Variants in RFX3 observed in about 807,000 individuals in gnomAD.
The protein encoded by RFX3 is regulatory factor X3, also known as transcription factor RFX3.
In RFX3, 14 loss-of-function variants were observed where a neutral mutation model predicts 98.6. That is an observed-to-expected ratio of 0.14 (90% CI 0.09 to 0.22). The LOEUF (loss-of-function observed/expected upper bound fraction) is 0.22. Ranked by LOEUF, RFX3 falls within the 10% of genes least tolerant of loss-of-function variation. RFX3 has a pLI of 1.00. For synonymous variants in RFX3, 383 were observed against 328.4 expected, an observed-to-expected ratio of 1.17 and a Z score of -1.80; for missense variants, 639 against 926.9, an observed-to-expected ratio of 0.69 and a Z score of 4.03.
chr9:3,224,779 A>T lies in RFX3; in HGVS notation c.*263T>A, dbSNP rs1176286645. 6.3e-6 allele frequency: 2 copies of T among 316,302 alleles called. No homozygotes were observed. The highest frequency in any genetic ancestry group is 1.2e-5 in the Non-Finnish European group (2 of 173,640). 19.6% of individuals were successfully genotyped at this position (316,302 alleles called of 1,614,324 possible). On this transcript the variant is annotated 3_prime_UTR_variant, in exon 17 of 17. Coordinates refer to ENST00000617270, the MANE Select transcript of RFX3 (RefSeq NM_001282116.2). The stretch of plus-strand genomic sequence containing the variant: ...CTTTTTAATTATAAGAAAACAAAAC[A>T]TTGACATTAAGTGTTGTAAAAATCC...
At chr9:3,252,115 TATA>T (rs139532871) in intron 14 of RFX3, among the ~76,000 whole-genome samples, 16,592 of 152,218 alleles carry the variant, frequency 0.11, 906 homozygotes, top group Middle Eastern at 0.21. Flanking sequence ...TCTGTTAAAA[TATA>T]ATAACCCTGA....
At chr9:3,394,747 G>A (rs1840681789) in intron 2 of RFX3, 5 of 768,748 alleles carry the variant, frequency 6.5e-6, no homozygotes, top group Non-Finnish European at 7.9e-6. Context: ...TCAAGATAAT[G>A]TTATATGACA....
rs1401553323 is a variant in RFX3, at chr9:3,257,342, T to C, written c.1606-143A>G. On this transcript the variant is annotated intron_variant, in intron 13 of 16. Transcript: ENST00000617270. Reference sequence around the variant, plus strand: ...ATGAATCCAGAAAATAAAAAACTACTTGTCAATTGTTAGGGTAACACAATC... The same window carrying C: ...ATGAATCCAGAAAATAAAAAACTACCTGTCAATTGTTAGGGTAACACAATC... 6.0e-6 allele frequency: 4 copies of C among 671,598 alleles called. No homozygotes were observed. In the East Asian group the frequency reaches 1.1e-4, roughly 18 times the overall value. The allele number at this position is 671,598 out of a possible 1,614,324, so 41.6% of individuals were successfully genotyped here.
intron 1 of RFX3, among the ~76,000 whole-genome samples, chr9:3,446,427 T>G (rs1265758236): frequency 6.6e-6 from 1 of 152,100 alleles, no homozygotes; most frequent in Non-Finnish European, 1.5e-5. Context: ...CTCAAGAATG[T>G]AAAATGGTTG....
At chr9:3,421,557 C>T (rs868330681) in intron 1 of RFX3, among the ~76,000 whole-genome samples, 8 of 152,146 alleles carry the variant, frequency 5.3e-5, no homozygotes, top group South Asian at 4.1e-4. Context: ...TATTGTTGTA[C>T]AGAATAGCAG....
chr9:3,442,075 C>G (rs1296389439), intron 1 of RFX3, among the ~76,000 whole-genome samples: 1 of 152,010 alleles, frequency 6.6e-6, no homozygotes, highest in Non-Finnish European at 1.5e-5. Flanking sequence ...TGGCACGCAC[C>G]TGTAATCCCA....
intron 1 of RFX3, among the ~76,000 whole-genome samples, chr9:3,465,682 C>CTA (rs1457828361): frequency 6.6e-6 from 1 of 151,800 alleles, no homozygotes; most frequent in African/African-American, 2.4e-5. Flanking sequence ...GCTATTATTC[C>CTA]TATTATACAG....
At chr9:3,291,103 G>A (rs1231155269) in intron 6 of RFX3, among the ~76,000 whole-genome samples, 4 of 152,138 alleles carry the variant, frequency 2.6e-5, no homozygotes, top group Non-Finnish European at 4.4e-5. Flanking sequence ...GGTGGCTCAC[G>A]CCTATAACAC....
intron 2 of RFX3, among the ~76,000 whole-genome samples, chr9:3,363,695 A>G (rs1273105241): frequency 2.0e-5 from 3 of 152,238 alleles, no homozygotes; most frequent in East Asian, 1.9e-4. Flanking sequence ...AAATAGTGAC[A>G]TAAGTACAAA....
chr9:3,416,886 G>A (rs933893115), intron 1 of RFX3, among the ~76,000 whole-genome samples: 7 of 151,884 alleles, frequency 4.6e-5, no homozygotes, highest in South Asian at 2.1e-4. Flanking sequence ...AAATCCAACC[G>A]TATTAATAAT....
In RFX3 at chr9:3,469,831, G is replaced by C. The variant is rs186684839; in HGVS notation, c.-9+55916C>G. On this transcript the variant is annotated intron_variant, in intron 1 of 16. Coordinates refer to ENST00000617270, the MANE Select transcript of RFX3 (RefSeq NM_001282116.2). ...ACTGCACTCCAGCCTGGGTGACAGA[G>C]CGTGACTCCGTCTCAAAAAAAAAAA... Among the ~76,000 whole-genome samples the C allele has an allele frequency of 5.7e-4, 85 of 150,360 alleles. No individual in the cohort carries two copies. In the East Asian group the frequency reaches 0.014, roughly 24 times the overall value.
chr9:3,330,419 G>A lies in RFX3; in HGVS notation c.314C>T (p.Thr105Ile). 6.2e-7 allele frequency: 1 copy of A among 1,614,056 alleles called. No homozygotes were observed. The highest frequency in any genetic ancestry group is 8.5e-7 in the Non-Finnish European group (1 of 1,180,020). The change falls in exon 4 of 17, where the codon ACC becomes ATC. Residue 105 changes from threonine (T) to isoleucine (I), a missense_variant. Physicochemically the swap from Thr to Ile is moderately conservative, Grantham distance 89 (BLOSUM62 -1). Transcript: ENST00000617270. ...CACCATACTGTGGGATGAGACCACGGTAGTCACCTGGGCGGAACTCCCTTG... is the reference window on the plus strand; with the variant it reads ...CACCATACTGTGGGATGAGACCACGATAGTCACCTGGGCGGAACTCCCTTG... ...DTQGSSAQVT[T>I]VVSSHSMVGT...
chr9:3,353,033 T>C (rs1027038563), intron 2 of RFX3, among the ~76,000 whole-genome samples: 8 of 152,010 alleles, frequency 5.3e-5, no homozygotes, highest in African/African-American at 1.9e-4. Flanking sequence ...AATGATGAGT[T>C]CACGTCCTTT....
chr9:3,431,438 G>C (rs1198958070), intron 1 of RFX3, among the ~76,000 whole-genome samples: 1 of 152,010 alleles, frequency 6.6e-6, no homozygotes, highest in African/African-American at 2.4e-5. Flanking sequence ...CCAAAGGCAT[G>C]AACACAGCAT....
At chr9:3,352,240 G>A (rs986591062) in intron 2 of RFX3, among the ~76,000 whole-genome samples, 12 of 151,926 alleles carry the variant, frequency 7.9e-5, no homozygotes, top group Non-Finnish European at 1.6e-4. Flanking sequence ...TAAACAAAAT[G>A]TGTGTATGTG....
chr9:3,343,482 T>A (rs1489808360), intron 3 of RFX3, among the ~76,000 whole-genome samples: 1 of 151,916 alleles, frequency 6.6e-6, no homozygotes, highest in African/African-American at 2.4e-5. Context: ...TAAAAAGAAG[T>A]CATAGAAAGA....
At chr9:3,394,542 T>TG (rs748605531) in intron 2 of RFX3, among the ~76,000 whole-genome samples, 18 of 152,220 alleles carry the variant, frequency 1.2e-4, no homozygotes, top group Non-Finnish European at 2.1e-4. Context: ...TCTGTACGAT[T>TG]GCAGCACACC....
At chr9:3,260,076 A>G (rs1260148035) in intron 13 of RFX3, among the ~76,000 whole-genome samples, 1 of 152,058 alleles carries the variant, frequency 6.6e-6, no homozygotes, top group Admixed American at 6.6e-5. Context: ...TAAGGGTGTT[A>G]AAGAGGAAAA....
intron 1 of RFX3, among the ~76,000 whole-genome samples, chr9:3,461,983 G>C (rs533697179): frequency 6.6e-6 from 1 of 152,058 alleles, no homozygotes; most frequent in South Asian, 2.1e-4. Flanking sequence ...AGTTGTTTGA[G>C]TGCCACAAGT....
Sources: gnomAD v4.1 joint callset for allele counts (sites outside exome capture counted in the v4.1 genomes callset) on GRCh38, gnomAD v4.1.1 for gene constraint, MANE v1.5 for transcripts, NCBI Gene and HGNC (gene_info 2026-07-23, HGNC 2026-07-21) for gene names.